The following IL34 variants were observed in gnomAD, a reference collection of about 807,000 sequenced individuals.
The protein encoded by IL34 is interleukin-34.
In IL34, 17 loss-of-function variants were observed where a neutral mutation model predicts 25.3. The ratio of observed to expected loss-of-function variants is 0.67; its 90% CI spans 0.46 to 1.01. The LOEUF is 1.01. IL34 is among the 50% of genes least tolerant of loss of function. IL34 has a pLI of 0.00. For synonymous variants in IL34, 174 were observed against 140.9 expected, an observed-to-expected ratio of 1.23 and a Z score of -1.66; for missense variants, 368 against 312.9, an observed-to-expected ratio of 1.18 and a Z score of -1.33.
At chr16:70,628,363 T>C (rs1384654186) in intron 1 of IL34, among the ~76,000 whole-genome samples, 3 of 152,200 alleles carry the variant, frequency 2.0e-5, no homozygotes, top group African/African-American at 4.8e-5. Context: ...TACAGTTTTT[T>C]AGTATATATC....
At chr16:70,658,661 G>A (rs893755417) in intron 4 of IL34, among the ~76,000 whole-genome samples, 1 of 151,818 alleles carries the variant, frequency 6.6e-6, no homozygotes, top group Admixed American at 6.6e-5. Context: ...AGTAGAGACG[G>A]GGTTCTGCCA....
chr16:70,657,155 G>GTGTGTGTGCACACGTGTGTACA, intron 4 of IL34, 34 bp downstream of exon 4: 2 of 1,604,906 alleles, frequency 1.2e-6, no homozygotes, highest in South Asian at 2.2e-5. Flanking sequence ...GGTGGGGTGT[G>GTGTGTGTGCACACGTGTGTACA]TGTGTGTGCA....
intron 1 of IL34, among the ~76,000 whole-genome samples, chr16:70,589,574 CTTTTTTATAGA>C (rs2050729465): frequency 6.6e-6 from 1 of 151,104 alleles, no homozygotes; most frequent in South Asian, 2.1e-4. Flanking sequence ...TGATCTCATT[CTTTTTTATAGA>C]TGTGGTACAT....
At position 70,659,156 on chromosome 16, in the gene IL34, G is replaced by C. The variant is rs376536210; in HGVS notation, c.403-462G>C. On this transcript the variant is annotated intron_variant, in intron 4 of 5. Coordinates refer to ENST00000288098, the MANE Select transcript of IL34 (RefSeq NM_001393494.1). ...ACCCTGTTGTTGCATATCGTGGAGA[G>C]AAAGCACCCCAGCTTGAAGCTGGAC... 1.6e-4 allele frequency among the ~76,000 whole-genome samples: 24 copies of C among 152,290 alleles called. 1 individual carries two copies. The highest frequency in any genetic ancestry group is 5.3e-4 in the African/African-American group (22 of 41,566).
At chr16:70,591,646 T>G (rs1343041142) in intron 1 of IL34, among the ~76,000 whole-genome samples, 1 of 151,820 alleles carries the variant, frequency 6.6e-6, no homozygotes, top group Non-Finnish European at 1.5e-5. Flanking sequence ...GCAGTCACCT[T>G]GTATGGAGGC....
intron 1 of IL34, among the ~76,000 whole-genome samples, chr16:70,583,347 C>A (rs2050656043): frequency 6.6e-6 from 1 of 151,908 alleles, no homozygotes; most frequent in African/African-American, 2.4e-5. Context: ...ACAGATTCAC[C>A]TGCCTCAGCC....
At position 70,659,756 on chromosome 16, in the gene IL34, AAGG is replaced by A. The variant is rs751824104; in HGVS notation, c.538+6_538+8del. The A allele has an allele frequency of 2.3e-5, 36 of 1,596,564 alleles. No homozygotes were observed. The African/African-American group carries it at 4.7e-4, about 21-fold the overall frequency. On this transcript the variant is annotated splice_donor_5th_base_variant and intron_variant, in intron 5 of 5. Coordinates refer to ENST00000288098, the MANE Select transcript of IL34 (RefSeq NM_001393494.1). ...GGAGCTGCTGTACTGCTCCTGCTGTAAGGAGCTCTCAGGGGATGGCGCCTGGGG... is the reference window on the plus strand; with the variant it reads ...GGAGCTGCTGTACTGCTCCTGCTGTAAGCTCTCAGGGGATGGCGCCTGGGG...
chr16:70,648,430 GT>G (rs1167053169), intron 1 of IL34, among the ~76,000 whole-genome samples: 1 of 151,888 alleles, frequency 6.6e-6, no homozygotes, highest in Non-Finnish European at 1.5e-5. Context: ...GCATACATCT[GT>G]AATCCCAGCT....
At chr16:70,643,142 A>C (rs1488841050), upstream of IL34, among the ~76,000 whole-genome samples, 1 of 152,094 alleles carries the variant, frequency 6.6e-6, no homozygotes, top group African/African-American at 2.4e-5. Flanking sequence ...GGCTCACTGC[A>C]ACCTCTGCCT....
chr16:70,600,174 C>G (rs1228706963), intron 1 of IL34, among the ~76,000 whole-genome samples: 2 of 152,128 alleles, frequency 1.3e-5, no homozygotes, highest in Non-Finnish European at 2.9e-5. Flanking sequence ...CATGTCTTCT[C>G]TCGTTCCTAT....
intron 1 of IL34, among the ~76,000 whole-genome samples, chr16:70,625,178 AGAGGTT>A (rs996134497): frequency 7.9e-5 from 12 of 152,016 alleles, no homozygotes; most frequent in African/African-American, 2.7e-4. Context: ...TGTGAGTTGA[AGAGGTT>A]TTAAGTTCGT....
upstream of IL34, among the ~76,000 whole-genome samples, chr16:70,644,835 AAGAGGAAGGAGGG>A (rs1458044835): frequency 2.9e-5 from 4 of 139,468 alleles, no homozygotes; most frequent in Non-Finnish European, 6.1e-5. Flanking sequence ...AGGAAGGAGG[AAGAGGAAGGAGGG>A]AAGAGGAGGA....
At chr16:70,652,569 C>A (rs576723278) in intron 1 of IL34, among the ~76,000 whole-genome samples, 1 of 152,198 alleles carries the variant, frequency 6.6e-6, no homozygotes, top group Non-Finnish European at 1.5e-5. Flanking sequence ...TCTAATTGTT[C>A]TCATAGCACA....
intron 1 of IL34, among the ~76,000 whole-genome samples, chr16:70,651,205 G>A (rs1176177906): frequency 6.6e-6 from 1 of 152,100 alleles, no homozygotes; most frequent in Non-Finnish European, 1.5e-5. Context: ...GAGTCTCTGG[G>A]AGGCTTTGAA....
At chr16:70,635,532 G>C (rs1239207002) in intron 1 of IL34, among the ~76,000 whole-genome samples, 1 of 152,188 alleles carries the variant, frequency 6.6e-6, no homozygotes, top group African/African-American at 2.4e-5. Context: ...TTGGAGGTCA[G>C]AGGTCAGAGG....
At chr16:70,601,044 G>C (rs2050908577) in intron 1 of IL34, among the ~76,000 whole-genome samples, 1 of 151,572 alleles carries the variant, frequency 6.6e-6, no homozygotes, top group Non-Finnish European at 1.5e-5. Context: ...GAGGGGAGAA[G>C]TAGGGGATGC....
chr16:70,581,546 A>G (rs1345684844), intron 1 of IL34, among the ~76,000 whole-genome samples: 2 of 152,092 alleles, frequency 1.3e-5, no homozygotes, highest in Admixed American at 1.3e-4. Flanking sequence ...CAGCTCACTC[A>G]TGAGAATTAC....
chr16:70,587,032 C>T (rs2050702931), intron 1 of IL34, among the ~76,000 whole-genome samples: 1 of 152,316 alleles, frequency 6.6e-6, no homozygotes, highest in Non-Finnish European at 1.5e-5. Flanking sequence ...ATGGAGGCCC[C>T]TCCCAGAATG....
chr16:70,602,547 T>A (rs2050933431), intron 1 of IL34, among the ~76,000 whole-genome samples: 1 of 149,444 alleles, frequency 6.7e-6, no homozygotes, highest in African/African-American at 2.5e-5. Context: ...ATAAAATAAA[T>A]TAAAATGAGA....
Sources: allele counts gnomAD v4.1 joint callset (sites outside exome capture counted in the v4.1 genomes callset), GRCh38; gene constraint gnomAD v4.1.1; transcripts MANE v1.5; gene names NCBI Gene and HGNC (gene_info 2026-07-23, HGNC 2026-07-21).